Variants in PCDH11X observed in about 807,000 individuals in gnomAD.
PCDH11X encodes protocadherin 11 X-linked.
Under a neutral mutation model 53.3 loss-of-function variants are expected in PCDH11X, and 18 were observed. That is an observed-to-expected ratio of 0.34 (90% CI 0.23 to 0.50). The LOEUF (loss-of-function observed/expected upper bound fraction) is 0.50, where lower values mean the gene tolerates loss of function less well. PCDH11X is among the 20% of genes least tolerant of loss of function. The pLI is 0.98. For missense variants in PCDH11X, 570 were observed against 1,032.4 expected, an observed-to-expected ratio of 0.55 and a Z score of 6.14; for synonymous variants, 279 against 393.3, an observed-to-expected ratio of 0.71 and a Z score of 3.44.
At chrX:92,520,239 T>G (rs2074346504) in intron 10 of PCDH11X, among the ~76,000 whole-genome samples, 1 of 110,358 alleles carries the variant, frequency 9.1e-6, no homozygotes, top group Non-Finnish European at 1.9e-5. Flanking sequence ...TTTTTTTTTT[T>G]GGTTTCCCAA....
chrX:92,090,029 C>T (rs2064023902), intron 6 of PCDH11X, among the ~76,000 whole-genome samples: 1 of 108,792 alleles, frequency 9.2e-6, no homozygotes, highest in Non-Finnish European at 1.9e-5. Flanking sequence ...TAATCGAATA[C>T]CTACTTCATT....
chrX:92,137,345 G>T (rs1287938907), intron 6 of PCDH11X, among the ~76,000 whole-genome samples: 1 of 111,460 alleles, frequency 9.0e-6, no homozygotes, highest in Non-Finnish European at 1.9e-5. Flanking sequence ...TACAATTTAA[G>T]TTGAAGAATG....
intron 8 of PCDH11X, among the ~76,000 whole-genome samples, chrX:92,375,986 G>T (rs2070745864): frequency 9.0e-6 from 1 of 111,209 alleles, no homozygotes; most frequent in Admixed American, 9.6e-5. Flanking sequence ...ATATTGATGT[G>T]CTTAGACTTT....
intron 4 of PCDH11X, among the ~76,000 whole-genome samples, chrX:91,825,380 C>T (rs1426573278): frequency 7.2e-5 from 8 of 111,691 alleles, no homozygotes; most frequent in Non-Finnish European, 1.1e-4. Flanking sequence ...TCTCGTGGTG[C>T]GCCGTTTTTT....
intron 8 of PCDH11X, among the ~76,000 whole-genome samples, chrX:92,339,220 A>G (rs1368127402): frequency 8.9e-6 from 1 of 112,209 alleles, no homozygotes; most frequent in Non-Finnish European, 1.9e-5. Flanking sequence ...ATCCACATAC[A>G]GAAGAATGAA....
chrX:92,383,321 G>GTT (rs34013943), intron 8 of PCDH11X, among the ~76,000 whole-genome samples: 1 of 72,525 alleles, frequency 1.4e-5, no homozygotes. Context: ...GTAGATAAAT[G>GTT]TTTTTTTTTT....
chrX:92,249,507 G>T (rs1309408903), intron 7 of PCDH11X, among the ~76,000 whole-genome samples: 2 of 112,468 alleles, frequency 1.8e-5, no homozygotes, highest in Non-Finnish European at 3.8e-5. Context: ...AAGCAGATGT[G>T]CCTGTCACAT....
At chrX:92,407,559 CTTA>C (rs1296598686) in intron 9 of PCDH11X, among the ~76,000 whole-genome samples, 4 of 110,994 alleles carry the variant, frequency 3.6e-5, no homozygotes, top group Admixed American at 9.6e-5. Flanking sequence ...AAATGTATTA[CTTA>C]TTATGTGTTT....
intron 8 of PCDH11X, among the ~76,000 whole-genome samples, chrX:92,331,754 C>A (rs970367557): frequency 2.4e-4 from 27 of 110,605 alleles, no homozygotes; most frequent in Non-Finnish European, 5.7e-5. Context: ...CAATTTACAC[C>A]TTAAAACATT....
intron 1 of PCDH11X, among the ~76,000 whole-genome samples, chrX:91,780,197 C>T (rs1935085757): frequency 9.0e-6 from 1 of 111,399 alleles, no homozygotes; most frequent in Non-Finnish European, 1.9e-5. Flanking sequence ...GGTTTGGATC[C>T]CTGCCAGGCT....
At chrX:92,301,646 T>G (rs188031869) in intron 8 of PCDH11X, among the ~76,000 whole-genome samples, 49 of 105,376 alleles carry the variant, frequency 4.7e-4, no homozygotes, top group East Asian at 1.2e-3. Context: ...ACTTTTTTGT[T>G]TTTTGTTTTG....
In PCDH11X at chrX:92,389,287, T is replaced by C. The variant is rs1456265868; in HGVS notation, c.3343+1354T>C. ...CCTGGTAGAAATACATAGTTGTGAT[T>C]ATATTTACTTGTGTAATGAACTAAG... On this transcript the variant is annotated intron_variant, in intron 9 of 10. Coordinates refer to ENST00000682573, the MANE Select transcript of PCDH11X (RefSeq NM_032968.5). Among the ~76,000 whole-genome samples, 3 of 111,308 alleles carry C rather than the reference T, an allele frequency of 2.7e-5. No homozygotes were observed. In the Admixed American group the frequency reaches 2.9e-4, roughly 11 times the overall value.
intron 6 of PCDH11X, among the ~76,000 whole-genome samples, chrX:92,199,099 G>A (rs906119027): frequency 3.6e-5 from 4 of 111,708 alleles, no homozygotes; most frequent in South Asian, 7.4e-4. Context: ...ACTTGAAGGC[G>A]TTAATGCAAT....
intron 9 of PCDH11X, among the ~76,000 whole-genome samples, chrX:92,392,021 A>G (rs184328631): frequency 0.021 from 2,377 of 111,000 alleles, 56 homozygotes; most frequent in East Asian, 0.095. Context: ...TGAACAAGTT[A>G]TGTCATCTGT....
intron 6 of PCDH11X, among the ~76,000 whole-genome samples, chrX:92,024,378 G>T (rs1218007662): frequency 9.1e-6 from 1 of 110,438 alleles, no homozygotes; most frequent in Non-Finnish European, 1.9e-5. Context: ...CAACAGACAA[G>T]CAGAGAGCCA....
At position 91,845,212 on chromosome X, in the gene PCDH11X, G is replaced by A. The variant is rs1215790239; in HGVS notation, c.540+9168G>A. ...AATAAATAAGTAAATATAAAATGAA[G>A]GCTACTTACATTGTTTGAATACACA... On this transcript the variant is annotated intron_variant, in intron 5 of 10. Transcript: ENST00000682573. Among the ~76,000 whole-genome samples, 13 of 110,718 alleles carry A rather than the reference G, an allele frequency of 1.2e-4. No individual in the cohort carries two copies. In the East Asian group the frequency reaches 3.7e-3, roughly 31 times the overall value.
intron 8 of PCDH11X, among the ~76,000 whole-genome samples, chrX:92,345,657 T>A (rs1189009566): frequency 9.0e-6 from 1 of 111,711 alleles, no homozygotes; most frequent in Non-Finnish European, 1.9e-5. Context: ...CTCAAAAAAA[T>A]TGTTTTATAA....
chrX:92,234,715 G>T (rs947463178), intron 7 of PCDH11X, among the ~76,000 whole-genome samples: 2 of 110,840 alleles, frequency 1.8e-5, no homozygotes, highest in Non-Finnish European at 3.8e-5. Flanking sequence ...GCATTTCTCT[G>T]TTTTTTTCTT....
intron 6 of PCDH11X, among the ~76,000 whole-genome samples, chrX:91,926,663 A>AT (rs748517691): frequency 8.7e-4 from 96 of 110,688 alleles, no homozygotes; most frequent in African/African-American, 3.1e-3. Context: ...CAAATATTAT[A>AT]TTTTTTGATT....
Sources: gnomAD v4.1 joint callset for allele counts (sites outside exome capture counted in the v4.1 genomes callset) on GRCh38, gnomAD v4.1.1 for gene constraint, MANE v1.5 for transcripts, NCBI Gene and HGNC (gene_info 2026-07-23, HGNC 2026-07-21) for gene names.